Variants in MYO9A observed in about 807,000 individuals in gnomAD.
MYO9A encodes the protein myosin IXA.
A neutral mutation model predicts 293.3 loss-of-function variants in MYO9A; 103 were observed. The ratio of observed to expected loss-of-function variants is 0.35; its 90% CI spans 0.30 to 0.41. MYO9A has a LOEUF of 0.41. Among genes scored for constraint, MYO9A ranks in the 10% least tolerant of loss-of-function variants. The pLI is 1.00. For missense variants in MYO9A, 2,685 were observed against 3,033.0 expected, an observed-to-expected ratio of 0.89 and a Z score of 2.69; for synonymous variants, 1,001 against 1,035.7, an observed-to-expected ratio of 0.97 and a Z score of 0.64.
intron 4 of MYO9A, 134 bp from the exon 5 acceptor site, chr15:72,021,151 ATTCAGCGTTT>A (rs1400721673): frequency 1.7e-6 from 1 of 572,796 alleles, no homozygotes; most frequent in Non-Finnish European, 3.0e-6. Flanking sequence ...AATGTGATAA[ATTCAGCGTTT>A]AAGTACTCCT....
At chr15:71,835,295 C>T in intron 39 of MYO9A, among the ~76,000 whole-genome samples, 1 of 152,006 alleles carries the variant, frequency 6.6e-6, no homozygotes, top group East Asian at 1.9e-4. Context: ...GAGGTTCTAA[C>T]TTACATAAGA....
intron 38 of MYO9A, 78 bp downstream of exon 38, chr15:71,849,958 A>ATTTTATGAACCCATTCACTC: frequency 6.5e-7 from 1 of 1,533,172 alleles, no homozygotes; most frequent in Admixed American, 1.7e-5. Flanking sequence ...CCCATTCACT[A>ATTTTATGAACCCATTCACTC]TGTTTGATAT....
chr15:71,928,658 TTTGG>T (rs1472969301), intron 18 of MYO9A, among the ~76,000 whole-genome samples: 1 of 152,130 alleles, frequency 6.6e-6, no homozygotes, highest in Admixed American at 6.5e-5. Flanking sequence ...TTTTAACCTC[TTTGG>T]TTGAATTTAC....
At chr15:72,051,908 G>A (rs1333574776) in intron 1 of MYO9A, among the ~76,000 whole-genome samples, 1 of 152,184 alleles carries the variant, frequency 6.6e-6, no homozygotes, top group African/African-American at 2.4e-5. Flanking sequence ...CTTCAAGCCA[G>A]GGAAGGCCTG....
rs1439787027 is a variant in MYO9A, at chr15:72,095,210, G to A, written c.-72+22470C>T. Among the ~76,000 whole-genome samples, 7 of 92,750 alleles carry A rather than the reference G, an allele frequency of 7.5e-5. 3 individuals carry two copies. Among genetic ancestry groups the A allele is most frequent in the Non-Finnish European group, 2.3e-4 (7 of 30,586 alleles). The allele number at this position is 92,750 out of a possible 152,430, so 60.8% of individuals were successfully genotyped here. On this transcript the variant is annotated intron_variant, in intron 1 of 41. Transcript: ENST00000356056. ...CAAAACAGTTTGCCAAGTTGTGAAT[G>A]CAAAGGAAAACTTGAAGGAAATTAA...
intron 1 of MYO9A, among the ~76,000 whole-genome samples, chr15:72,059,317 C>T (rs1215374869): frequency 6.6e-6 from 1 of 152,196 alleles, no homozygotes; most frequent in African/African-American, 2.4e-5. Context: ...ATAAAATGTG[C>T]AAGTCTTCAG....
intron 19 of MYO9A, among the ~76,000 whole-genome samples, chr15:71,911,043 C>G (rs1436893530): frequency 6.6e-6 from 1 of 152,110 alleles, no homozygotes; most frequent in Non-Finnish European, 1.5e-5. Context: ...TCCTCTATCA[C>G]CCCCAAAAAA....
chr15:72,069,146 C>CT (rs2079107248), intron 1 of MYO9A, among the ~76,000 whole-genome samples: 1 of 152,160 alleles, frequency 6.6e-6, no homozygotes, highest in Admixed American at 6.5e-5. Flanking sequence ...TTTATGAACT[C>CT]ACAAGCTCTT....
At chr15:72,022,506 C>CGA (rs1442298477) in intron 4 of MYO9A, among the ~76,000 whole-genome samples, 2 of 149,322 alleles carry the variant, frequency 1.3e-5, no homozygotes, top group Non-Finnish European at 3.0e-5. Flanking sequence ...GGTGACAAGG[C>CGA]GAGACTCTGT....
chr15:71,905,006 C>A lies in MYO9A; in HGVS notation c.2686G>T (p.Ala896Ser), dbSNP rs755683032. ...KPPSISAQFQ[A>S]SLSKLMETLG... ...GTTTCCATTAGCTTGCTTAATGATGCCTGCAACAGAAAGCAATATAATTAT... is the reference window on the plus strand; with the variant it reads ...GTTTCCATTAGCTTGCTTAATGATGACTGCAACAGAAAGCAATATAATTAT... The change falls in exon 20 of 42, where the codon GCA (alanine) becomes TCA (serine). Residue 896 changes from alanine (A) to serine (S), a missense_variant and splice_region_variant. Physicochemically the swap from Ala to Ser is moderately conservative, Grantham distance 99. This residue lies in a region of MYO9A where 1,434 missense variants were observed against 1,497.7 expected (regional missense o/e 0.96). Coordinates refer to ENST00000356056, the MANE Select transcript of MYO9A (RefSeq NM_006901.4). 4.4e-6 allele frequency: 7 copies of A among 1,597,888 alleles called. No homozygotes were observed. In the East Asian group the frequency reaches 1.1e-4, roughly 26 times the overall value.
chr15:72,107,503 C>T (rs568057635), intron 1 of MYO9A, among the ~76,000 whole-genome samples: 16 of 152,262 alleles, frequency 1.1e-4, no homozygotes, highest in African/African-American at 3.9e-4. Context: ...GAGCCAAAAT[C>T]GTGCCACTGC....
At chr15:71,956,310 T>TAAAAAA (rs869151550) in intron 14 of MYO9A, among the ~76,000 whole-genome samples, 32 of 36,752 alleles carry the variant, frequency 8.7e-4, no homozygotes, top group African/African-American at 2.5e-3. Flanking sequence ...ACCCGGCTCT[T>TAAAAAA]AAAAAAAAAA....
chr15:71,981,832 T>C (rs1284214935), intron 11 of MYO9A, among the ~76,000 whole-genome samples: 1 of 152,096 alleles, frequency 6.6e-6, no homozygotes, highest in Non-Finnish European at 1.5e-5. Context: ...TGGTTTAGTT[T>C]GCTGATCTTT....
At chr15:72,073,052 C>A (rs2079242589) in intron 1 of MYO9A, among the ~76,000 whole-genome samples, 1 of 152,156 alleles carries the variant, frequency 6.6e-6, no homozygotes, top group Non-Finnish European at 1.5e-5. Context: ...CCCTTTAAGA[C>A]CAGTCATGGT....
Position 71,937,372 on chromosome 15 carries a change from C to T in MYO9A, c.2378+1480G>A, listed in dbSNP as rs868066229. On this transcript the variant is annotated intron_variant, in intron 16 of 41. Transcript: ENST00000356056. ...TCTTATTTTAAGAAATTGCCATAGC[C>T]ACTCCAATTTTCAGCATCCACCACC... is the stretch of plus-strand genomic sequence containing the variant. Among the ~76,000 whole-genome samples, 11 of 152,186 alleles carry T rather than the reference C, an allele frequency of 7.2e-5. No individual in the cohort carries two copies. In the Middle Eastern group the frequency reaches 0.01, roughly 141 times the overall value.
chr15:72,077,346 G>A (rs980413965), intron 1 of MYO9A, among the ~76,000 whole-genome samples: 6 of 152,148 alleles, frequency 3.9e-5, no homozygotes, highest in Admixed American at 2.6e-4. Context: ...GCCACAGACT[G>A]ACAGAAAATC....
intron 1 of MYO9A, among the ~76,000 whole-genome samples, chr15:72,058,814 TG>T (rs2078796607): frequency 6.6e-6 from 1 of 152,130 alleles, no homozygotes. Context: ...AGAGGAAAAC[TG>T]TGGTGAAGAA....
chr15:71,856,987 T>C (rs528092917), intron 34 of MYO9A, among the ~76,000 whole-genome samples: 8 of 152,318 alleles, frequency 5.3e-5, no homozygotes, highest in South Asian at 4.1e-4. Context: ...AAAATTATTA[T>C]AGAAATAGAA....
In MYO9A at chr15:71,852,171, T is replaced by A. The variant is rs1451876278; in HGVS notation, c.6436A>T (p.Met2146Leu). 19 of 1,613,900 alleles carry A rather than the reference T, an allele frequency of 1.2e-5. No individual in the cohort carries two copies. Among genetic ancestry groups the A allele is most frequent in the Non-Finnish European group, 1.5e-5 (18 of 1,179,852 alleles). The change falls in exon 36 of 42, where the codon ATG becomes TTG. Residue 2146 changes from methionine (M) to leucine (L), a missense_variant. By Grantham distance (15) the Met-to-Leu change is conservative. Around this residue, in one of 10 missense-constraint regions of MYO9A, gnomAD observed 238 missense variants for 269.1 expected, o/e 0.88. Transcript: ENST00000356056. The part of the protein sequence containing the change: ...QWLRDLPNPL[M>L]TFELYEEFLR... Reference sequence around the variant, plus strand: ...AATTCCTCATAGAGTTCAAAGGTCATGAGAGGATTGGGCAAATCTCGAAGC... The same window carrying A: ...AATTCCTCATAGAGTTCAAAGGTCAAGAGAGGATTGGGCAAATCTCGAAGC...
Sources: gnomAD v4.1 joint callset for allele counts (sites outside exome capture counted in the v4.1 genomes callset) on GRCh38, gnomAD v4.1.1 for gene constraint, gnomAD v4.1.1 regional missense constraint, MANE v1.5 for transcripts, NCBI Gene and HGNC (gene_info 2026-07-23, HGNC 2026-07-21) for gene names.